RGL1: variants seen among roughly 807,000 people sequenced by gnomAD.
RGL1 encodes ral guanine nucleotide dissociation stimulator-like 1.
A neutral mutation model predicts 95.2 loss-of-function variants in RGL1; 24 were observed. That is an observed-to-expected ratio of 0.25 (90% CI 0.18 to 0.35). The LOEUF is 0.35. Among genes scored for constraint, RGL1 ranks in the 10% least tolerant of loss-of-function variants. RGL1 has a pLI of 1.00. For synonymous variants in RGL1, 329 were observed against 344.9 expected, an observed-to-expected ratio of 0.95 and a Z score of 0.51; for missense variants, 715 against 936.3, an observed-to-expected ratio of 0.76 and a Z score of 3.08.
chr1:183,907,009 C>T lies in RGL1; in HGVS notation c.1473-3C>T. On this transcript the variant is annotated splice_polypyrimidine_tract_variant and splice_region_variant and intron_variant, in intron 13 of 17. Coordinates refer to ENST00000360851, the MANE Select transcript of RGL1 (RefSeq NM_001297671.3). ...CCTCATGGAGCCCCCTTCTCTTTCTCAGCTATGCCCTGTCATGTGAGATTG... is the reference window on the plus strand; with the variant it reads ...CCTCATGGAGCCCCCTTCTCTTTCTTAGCTATGCCCTGTCATGTGAGATTG... 6.3e-7 allele frequency: 1 copy of T among 1,593,516 alleles called. No homozygotes were observed. The highest frequency in any genetic ancestry group is 8.6e-7 in the Non-Finnish European group (1 of 1,161,980).
chr1:183,660,435 C>T (rs1050794079), intron 1 of RGL1, among the ~76,000 whole-genome samples: 2 of 151,322 alleles, frequency 1.3e-5, no homozygotes, highest in Non-Finnish European at 2.9e-5. Flanking sequence ...AGACTTTAAA[C>T]CAACAAAGAT....
At chr1:183,673,746 T>C (rs966721974) in intron 1 of RGL1, among the ~76,000 whole-genome samples, 10 of 152,234 alleles carry the variant, frequency 6.6e-5, no homozygotes, top group African/African-American at 1.7e-4. Flanking sequence ...TATGATGGCA[T>C]TCTCTACCTT....
intron 2 of RGL1, among the ~76,000 whole-genome samples, chr1:183,837,465 G>T (rs1194108666): frequency 6.6e-6 from 1 of 152,164 alleles, no homozygotes; most frequent in African/African-American, 2.4e-5. Flanking sequence ...AATTTTGGAA[G>T]TTCACTCTGG....
chr1:183,907,081 C>T lies in RGL1; in HGVS notation c.1542C>T (p.Ser514=), dbSNP rs1431847989. The T allele has an allele frequency of 6.2e-7, 1 of 1,609,740 alleles. No homozygotes were observed. Among genetic ancestry groups the T allele is most frequent in the Non-Finnish European group, 8.5e-7 (1 of 1,176,870 alleles). ...ASTTSPKPRK[S]MVKRLSLLFL... is the part of the protein sequence containing the mutation. ...CCACCTCGCCCAAGCCTCGGAAGAG[C>T]ATGGTGAAGAGACTCAGCCTGTGAG... The change falls in exon 14 of 18, where the codon AGC becomes AGT. Residue 514 remains serine, a synonymous_variant. Coordinates refer to ENST00000360851, the MANE Select transcript of RGL1 (RefSeq NM_001297671.3).
chr1:183,656,108 C>CT (rs1479187190), intron 1 of RGL1, among the ~76,000 whole-genome samples: 2 of 100,600 alleles, frequency 2.0e-5, no homozygotes, highest in South Asian at 6.0e-4. Flanking sequence ...TTTTTCTTTT[C>CT]TTTTCTTTTT....
At chr1:183,732,158 C>T (rs560179567) in intron 1 of RGL1, among the ~76,000 whole-genome samples, 21 of 152,098 alleles carry the variant, frequency 1.4e-4, no homozygotes, top group Non-Finnish European at 2.4e-4. Context: ...GTCAGGAATG[C>T]TAAATCTTAT....
At chr1:183,664,063 T>G (rs1281992808) in intron 1 of RGL1, among the ~76,000 whole-genome samples, 1 of 90,030 alleles carries the variant, frequency 1.1e-5, no homozygotes, top group Non-Finnish European at 2.0e-5. Context: ...AGGACTGTTG[T>G]GGGGTGGGGG....
At chr1:183,738,982 C>T (rs1285371506) in intron 1 of RGL1, among the ~76,000 whole-genome samples, 1 of 152,162 alleles carries the variant, frequency 6.6e-6, no homozygotes, top group Non-Finnish European at 1.5e-5. Flanking sequence ...GGTAGCAGGA[C>T]TGGCTATATA....
intron 2 of RGL1, among the ~76,000 whole-genome samples, chr1:183,812,462 T>C (rs1444217420): frequency 6.6e-6 from 1 of 152,184 alleles, no homozygotes; most frequent in Non-Finnish European, 1.5e-5. Context: ...CCTGCTAAAC[T>C]CTCCTTCCAT....
At chr1:183,823,845 A>G (rs1662664397) in intron 2 of RGL1, among the ~76,000 whole-genome samples, 1 of 152,188 alleles carries the variant, frequency 6.6e-6, no homozygotes, top group Non-Finnish European at 1.5e-5. Context: ...GCTGGAGTGC[A>G]GTATGGTCAT....
chr1:183,659,027 A>T lies in RGL1; in HGVS notation c.-33+22526A>T, dbSNP rs12064569. Among the ~76,000 whole-genome samples, 284 of 152,168 alleles carry T rather than the reference A, an allele frequency of 1.9e-3. 5 individuals are homozygous for T. In the East Asian group the frequency reaches 0.043, roughly 23 times the overall value. ...TGTTAGAAGGAAAACTAACAAACAG[A>T]AAGGACATCCACACCAAAAACCCAT... On this transcript the variant is annotated intron_variant, in intron 1 of 18. Transcript: ENST00000304685.
intron 2 of RGL1, among the ~76,000 whole-genome samples, chr1:183,800,050 G>C (rs1377472599): frequency 6.6e-6 from 1 of 152,150 alleles, no homozygotes. Flanking sequence ...AGAAGTGAGG[G>C]TCAGACTCTT....
intron 1 of RGL1, among the ~76,000 whole-genome samples, chr1:183,718,074 A>C (rs1174861970): frequency 1.3e-5 from 2 of 152,012 alleles, no homozygotes. Context: ...GTGAAACCCT[A>C]TCTCTACTAA....
chr1:183,713,376 A>AACCC (rs1553273632), intron 1 of RGL1, among the ~76,000 whole-genome samples: 9 of 48,204 alleles, frequency 1.9e-4, no homozygotes, highest in Non-Finnish European at 2.5e-4. Context: ...ATCTAGAGGC[A>AACCC]CCCCCCCCCC....
intron 1 of RGL1, among the ~76,000 whole-genome samples, chr1:183,702,474 A>G (rs1654657544): frequency 6.6e-6 from 1 of 152,254 alleles, no homozygotes; most frequent in Admixed American, 6.5e-5. Context: ...TAGTAGATCC[A>G]TCAGATGAAC....
chr1:183,792,403 G>A (rs550794393), intron 2 of RGL1, among the ~76,000 whole-genome samples: 2 of 152,032 alleles, frequency 1.3e-5, no homozygotes, highest in East Asian at 1.9e-4. Flanking sequence ...TATGAGAATC[G>A]TCTTGTTCAC....
At chr1:183,645,505 A>G (rs1474993970) in intron 1 of RGL1, among the ~76,000 whole-genome samples, 3 of 152,118 alleles carry the variant, frequency 2.0e-5, no homozygotes, top group Non-Finnish European at 4.4e-5. Context: ...CTTTATTTCC[A>G]TTAGTTCTAT....
chr1:183,840,684 G>A (rs1418402668), intron 2 of RGL1, among the ~76,000 whole-genome samples: 33 of 151,704 alleles, frequency 2.2e-4, no homozygotes, highest in Admixed American at 1.7e-3. Flanking sequence ...GCAATATAGC[G>A]AGGCCTTGTC....
At chr1:183,697,121 A>T (rs1654298477) in intron 1 of RGL1, among the ~76,000 whole-genome samples, 2 of 152,120 alleles carry the variant, frequency 1.3e-5, no homozygotes, top group Non-Finnish European at 2.9e-5. Context: ...TGACTGCTGC[A>T]GTCTTTTTGC....
Sources: gnomAD v4.1 joint callset for allele counts (sites outside exome capture counted in the v4.1 genomes callset) on GRCh38, gnomAD v4.1.1 for gene constraint, MANE v1.5 for transcripts, NCBI Gene and HGNC (gene_info 2026-07-23, HGNC 2026-07-21) for gene names.